ST3GAL2: variants seen among roughly 807,000 people sequenced by gnomAD.
The protein encoded by ST3GAL2 is CMP-N-acetylneuraminate-beta-galactosamide-alpha-2,3-sialyltransferase 2.
Under a neutral mutation model 37.5 loss-of-function variants are expected in ST3GAL2, and 16 were observed. That is an observed-to-expected ratio of 0.43 (90% CI 0.29 to 0.65). ST3GAL2 has a LOEUF of 0.65. ST3GAL2 is among the 30% of genes least tolerant of loss of function. The pLI is 0.17. For synonymous variants in ST3GAL2, 238 were observed against 202.9 expected (o/e 1.17, Z -1.47); for missense variants, 383 against 487.8 (o/e 0.79, Z 2.02).
chr16:70,401,610 T>C (rs993463695), intron 1 of ST3GAL2, among the ~76,000 whole-genome samples: 1 of 152,170 alleles, frequency 6.6e-6, no homozygotes, highest in Non-Finnish European at 1.5e-5. Context: ...TTTCTACCTG[T>C]GCCCCTCAGC....
At chr16:70,397,188 GCAC>G (rs1379840490) in intron 2 of ST3GAL2, among the ~76,000 whole-genome samples, 2 of 151,176 alleles carry the variant, frequency 1.3e-5, no homozygotes, top group Non-Finnish European at 2.9e-5. Flanking sequence ...TTACAGGCAC[GCAC>G]CACCATGCCT....
At position 70,408,890 on chromosome 16, in the gene ST3GAL2, C is replaced by CAAAAAAAAAAAAAAAAAAAAAAAAAA. The variant is rs59060353; in HGVS notation, c.-1003-9383_-1003-9358dup. Among the ~76,000 whole-genome samples the CAAAAAAAAAAAAAAAAAAAAAAAAAA allele has an allele frequency of 8.0e-4, 48 of 59,862 alleles. 7 individuals carry two copies. The highest frequency in any genetic ancestry group is 1.5e-3 in the African/African-American group (29 of 19,304). 39.3% of individuals were successfully genotyped at this position (59,862 alleles called of 152,430 possible). On this transcript the variant is annotated intron_variant, in intron 1 of 6. Coordinates refer to ENST00000342907, the MANE Select transcript of ST3GAL2 (RefSeq NM_006927.4). Reference sequence around the variant, plus strand: ...TCCTGTAGGAGACAGCTCAAAGAAACAAAAAAAAAAAAAAAAAAAAAAAAA... The same window carrying CAAAAAAAAAAAAAAAAAAAAAAAAAA: ...TCCTGTAGGAGACAGCTCAAAGAAACAAAAAAAAAAAAAAAAAAAAAAAAAAAAAAAAAAAAAAAAAAAAAAAAAAA...
At chr16:70,429,743 G>A (rs1188441564) in intron 1 of ST3GAL2, among the ~76,000 whole-genome samples, 1 of 146,794 alleles carries the variant, frequency 6.8e-6, no homozygotes. Flanking sequence ...CCAGGTTCAA[G>A]TGATTCTCCT....
intron 4 of ST3GAL2, among the ~76,000 whole-genome samples, chr16:70,385,082 G>C (rs1567665257): frequency 6.6e-6 from 1 of 152,108 alleles, no homozygotes; most frequent in Non-Finnish European, 1.5e-5. Flanking sequence ...GAGGCGGGCA[G>C]ATCACAAGGT....
intron 2 of ST3GAL2, among the ~76,000 whole-genome samples, chr16:70,396,240 GATTACTTTTACTCAAAAGTAA>G (rs1227166642): frequency 9.6e-4 from 139 of 145,102 alleles, no homozygotes; most frequent in African/African-American, 3.0e-3. Context: ...AAGGTGGTGG[GATTACTTTTACTCAAAAGTAA>G]ATTACTTTTA....
intron 2 of ST3GAL2, among the ~76,000 whole-genome samples, chr16:70,396,541 A>G (rs908628343): frequency 1.3e-5 from 2 of 152,116 alleles, no homozygotes; most frequent in Non-Finnish European, 1.5e-5. Flanking sequence ...GGGATCAAGG[A>G]TGCAGTGAGC....
intron 1 of ST3GAL2, among the ~76,000 whole-genome samples, chr16:70,434,950 C>A (rs368808447): frequency 1.3e-5 from 2 of 152,170 alleles, no homozygotes; most frequent in African/African-American, 4.8e-5. Flanking sequence ...AGTGATGCCT[C>A]CTGCATTTCT....
At chr16:70,414,626 C>G (rs2047662308) in intron 1 of ST3GAL2, among the ~76,000 whole-genome samples, 1 of 152,184 alleles carries the variant, frequency 6.6e-6, no homozygotes, top group African/African-American at 2.4e-5. Context: ...CTAGTCTAGA[C>G]TGTTACCAAG....
At chr16:70,415,391 G>A (rs964284253) in intron 1 of ST3GAL2, among the ~76,000 whole-genome samples, 72 of 152,344 alleles carry the variant, frequency 4.7e-4, no homozygotes, top group African/African-American at 1.6e-3. Context: ...GCGGCACGGG[G>A]AAGGTCACAA....
chr16:70,435,792 C>T (rs1223918277), intron 1 of ST3GAL2, among the ~76,000 whole-genome samples: 1 of 112,842 alleles, frequency 8.9e-6, no homozygotes, highest in Non-Finnish European at 2.1e-5. Context: ...GAAACCTCGT[C>T]TCAAAATAAA....
intron 1 of ST3GAL2, among the ~76,000 whole-genome samples, chr16:70,404,690 C>T (rs1195757545): frequency 6.6e-6 from 1 of 152,076 alleles, no homozygotes; most frequent in Non-Finnish European, 1.5e-5. Flanking sequence ...CTCAGCAATT[C>T]CACTTCTAGG....
At chr16:70,390,903 T>C (rs2047477956) in intron 3 of ST3GAL2, among the ~76,000 whole-genome samples, 1 of 152,190 alleles carries the variant, frequency 6.6e-6, no homozygotes, top group Admixed American at 6.5e-5. Context: ...CATTCCTGTC[T>C]CACGTGGACC....
intron 1 of ST3GAL2, among the ~76,000 whole-genome samples, chr16:70,408,886 GAAACAAAAAAAAAAAAA>G (rs2047612929): frequency 6.5e-5 from 1 of 15,428 alleles, no homozygotes; most frequent in African/African-American, 1.4e-4. Context: ...ACAGCTCAAA[GAAACAAAAAAAAAAAAA>G]AAAAAAAAAA....
intron 1 of ST3GAL2, among the ~76,000 whole-genome samples, chr16:70,418,020 C>T (rs2047687388): frequency 1.3e-5 from 2 of 152,076 alleles, no homozygotes; most frequent in African/African-American, 2.4e-5. Flanking sequence ...TTGGTCACAC[C>T]GTAGATGTAT....
intron 6 of ST3GAL2, among the ~76,000 whole-genome samples, chr16:70,382,127 G>A (rs1235293263): frequency 6.7e-6 from 1 of 148,364 alleles, no homozygotes; most frequent in Non-Finnish European, 1.5e-5. Flanking sequence ...CCTCAGCCCT[G>A]CTCTTCATTG....
chr16:70,389,940 T>C (rs947123530), intron 3 of ST3GAL2, among the ~76,000 whole-genome samples: 3 of 146,038 alleles, frequency 2.1e-5, no homozygotes, highest in East Asian at 2.1e-4. Context: ...GCGCCCGCCA[T>C]CACGCCCGGC....
rs988438848 is a variant in ST3GAL2, at chr16:70,407,942, C to A, written c.-1003-8409G>T. Reference sequence around the variant, plus strand: ...AGAAACGTCAAAATAAGGCACGGAGCCTGGGGGGATGGGTGCTGCTTGCCT... The same window carrying A: ...AGAAACGTCAAAATAAGGCACGGAGACTGGGGGGATGGGTGCTGCTTGCCT... On this transcript the variant is annotated intron_variant, in intron 1 of 6. Transcript: ENST00000342907. 3.0e-4 allele frequency among the ~76,000 whole-genome samples: 46 copies of A among 152,042 alleles called. 2 individuals are homozygous for A. The highest frequency in any genetic ancestry group is 8.8e-5 in the Non-Finnish European group (6 of 68,008).
rs2047415471 is a variant in ST3GAL2 at position 70,382,793 on chromosome 16, G to A, written c.879+12C>T. ...CATGGGTTCCCACCACCCACACCAC[G>A]GGCCTACCCACCTCATCACACACAT... On this transcript the variant is annotated intron_variant, in intron 6 of 6. Coordinates refer to ENST00000342907, the MANE Select transcript of ST3GAL2 (RefSeq NM_006927.4). The A allele has an allele frequency of 1.9e-6, 3 of 1,613,660 alleles. No homozygotes were observed. The highest frequency in any genetic ancestry group is 1.1e-5 in the South Asian group (1 of 91,042).
intron 6 of ST3GAL2, among the ~76,000 whole-genome samples, 189 bp from the exon 7 acceptor site, chr16:70,382,051 CT>C (rs11320527): frequency 0.073 from 9,403 of 129,292 alleles, 1,163 homozygotes; most frequent in African/African-American, 0.25. Context: ...CAAATTCCTC[CT>C]TTTTTTTTTT....
Sources: gnomAD v4.1 joint callset for allele counts (sites outside exome capture counted in the v4.1 genomes callset) on GRCh38, gnomAD v4.1.1 for gene constraint, MANE v1.5 for transcripts, NCBI Gene and HGNC (gene_info 2026-07-23, HGNC 2026-07-21) for gene names.